DHRSX: variants seen among roughly 807,000 people sequenced by gnomAD.
The protein encoded by DHRSX is polyprenol dehydrogenase.
Under a neutral mutation model 34.0 loss-of-function variants are expected in DHRSX, and 31 were observed. The observed-to-expected ratio is 0.91, with a 90% CI of 0.69 to 1.23. The LOEUF is 1.23. Ranked by LOEUF, DHRSX falls within the 50% of genes most tolerant of loss-of-function variation. The pLI is 0.00. For synonymous variants in DHRSX, 201 were observed against 183.8 expected, an observed-to-expected ratio of 1.09 and a Z score of -0.76; for missense variants, 414 against 428.1, an observed-to-expected ratio of 0.97 and a Z score of 0.29.
intron 3 of DHRSX, among the ~76,000 whole-genome samples, chrX:2,359,209 A>G (rs2042896288): frequency 6.6e-6 from 1 of 152,198 alleles, no homozygotes; most frequent in South Asian, 2.1e-4. Context: ...TCAAAGACCT[A>G]AAAACAGAAA....
intron 1 of DHRSX, among the ~76,000 whole-genome samples, chrX:2,429,302 A>G (rs1371607951): frequency 6.6e-6 from 1 of 152,134 alleles, no homozygotes; most frequent in African/African-American, 2.4e-5. Context: ...CTGTGTATGT[A>G]TACATGTGTG....
intron 1 of DHRSX, among the ~76,000 whole-genome samples, chrX:2,496,173 GGTTTTTATTTTT>G (rs772262582): frequency 1.2e-3 from 176 of 152,168 alleles, no homozygotes; most frequent in African/African-American, 3.8e-3. Context: ...AGCTAAAAGA[GGTTTTTATTTTT>G]GTTTTTGTTT....
chrX:2,398,390 G>A (rs2043440379), intron 3 of DHRSX, among the ~76,000 whole-genome samples: 1 of 152,076 alleles, frequency 6.6e-6, no homozygotes, highest in Non-Finnish European at 1.5e-5. Flanking sequence ...AAATAGCTGG[G>A]TATGGTGGCT....
At chrX:2,386,882 GTT>G (rs57827913) in intron 3 of DHRSX, among the ~76,000 whole-genome samples, 16,379 of 124,014 alleles carry the variant, frequency 0.13, 972 homozygotes, top group African/African-American at 0.19. Flanking sequence ...TGATGGTTTT[GTT>G]TTTTTTTTTT....
intron 1 of DHRSX, chrX:2,490,344 G>A (rs748783889): frequency 6.2e-7 from 1 of 1,613,282 alleles, no homozygotes; most frequent in East Asian, 2.2e-5. Context: ...GCGGCCGTCA[G>A]CTCCTGCTGC....
chrX:2,349,092 G>C (rs1289436710), intron 3 of DHRSX, among the ~76,000 whole-genome samples: 1 of 152,044 alleles, frequency 6.6e-6, no homozygotes, highest in African/African-American at 2.4e-5. Flanking sequence ...AAATGGTACG[G>C]ACGTTCCTCA....
intron 6 of DHRSX, among the ~76,000 whole-genome samples, chrX:2,239,160 T>C (rs1460682874): frequency 6.6e-6 from 1 of 152,144 alleles, no homozygotes; most frequent in African/African-American, 2.4e-5. Flanking sequence ...TAATCCAAAT[T>C]TGCAGATGAT....
At chrX:2,320,050 A>G (rs2042289368) in intron 3 of DHRSX, among the ~76,000 whole-genome samples, 1 of 151,714 alleles carries the variant, frequency 6.6e-6, no homozygotes. Context: ...GCTGGTCTTG[A>G]ACTCCCGACC....
intron 5 of DHRSX, among the ~76,000 whole-genome samples, chrX:2,265,117 T>C (rs1316502039): frequency 7.2e-6 from 1 of 137,992 alleles, no homozygotes; most frequent in African/African-American, 2.8e-5. Context: ...AGAGCACCAG[T>C]GCTCAGCAGA....
intron 4 of DHRSX, among the ~76,000 whole-genome samples, chrX:2,269,297 TTC>T (rs1179650104): frequency 1.3e-5 from 2 of 152,234 alleles, no homozygotes; most frequent in East Asian, 1.9e-4. Context: ...GGTCTAGCAT[TTC>T]TCTGTGTATT....
intron 4 of DHRSX, among the ~76,000 whole-genome samples, chrX:2,286,526 C>T (rs1176838319): frequency 2.6e-5 from 4 of 152,146 alleles, no homozygotes; most frequent in Admixed American, 6.5e-5. Flanking sequence ...TCACGAAGCT[C>T]CATGGTTCTG....
rs144818340 is a variant in DHRSX, at chrX:2,221,143, C to T, written c.891G>A (p.Glu297=). 4.6e-4 allele frequency: 743 copies of T among 1,613,738 alleles called. No homozygotes were observed. The highest frequency in any genetic ancestry group is 6.1e-4 in the Non-Finnish European group (717 of 1,179,852). The change falls in exon 7 of 7, where the codon GAG becomes GAA. Residue 297 remains glutamate (E), a synonymous_variant. Coordinates refer to ENST00000334651, the MANE Select transcript of DHRSX (RefSeq NM_145177.3). ...TGACGTGGAGGGACTTGGTCTCTTT[C>T]TCGTTGTATAGGTAATGGCCACCAA... The part of the protein sequence containing the change: ...EGVGGHYLYN[E]KETKSLHVTY...
Position 2,485,819 on chromosome X carries a change from GGAA to G in DHRSX, c.109+14995_109+14997del, listed in dbSNP as rs2044901783. ...GGAGAGAAGGAAGGAAGGGAGAGAA[GGAA>G]GGAAGGGAGAGAAGGAAGGAAGGGA... On this transcript the variant is annotated intron_variant, in intron 1 of 6. Transcript: ENST00000334651. Among the ~76,000 whole-genome samples the G allele has an allele frequency of 5.5e-5, 4 of 73,360 alleles. No homozygotes were observed. The East Asian group carries it at 2.5e-3, about 45-fold the overall frequency. 48.1% of individuals were successfully genotyped at this position (73,360 alleles called of 152,430 possible).
At chrX:2,408,964 G>T in intron 2 of DHRSX, 151 bp from the exon 3 acceptor site, 1 of 705,772 alleles carries the variant, frequency 1.4e-6, no homozygotes, top group Non-Finnish European at 2.4e-6. Flanking sequence ...CGTCTAACTT[G>T]ACAGCCATTT....
rs35824420 is a variant in DHRSX, at chrX:2,328,079, C to CA, written c.287-36477dup. On this transcript the variant is annotated intron_variant, in intron 3 of 6. Transcript: ENST00000334651. ...TGGGCGACAGAGCGAGACTCCGTCT[C>CA]AAAAAAAAAAAGAGGAGGAGATGAG... Among the ~76,000 whole-genome samples the CA allele has an allele frequency of 9.7e-4, 115 of 118,484 alleles. 4 individuals carry two copies. The highest frequency in any genetic ancestry group is 4.1e-3 in the East Asian group (18 of 4,432). 77.7% of individuals were successfully genotyped at this position (118,484 alleles called of 152,430 possible).
chrX:2,291,044 G>C (rs1186505641), intron 4 of DHRSX, among the ~76,000 whole-genome samples: 2 of 152,184 alleles, frequency 1.3e-5, no homozygotes, highest in Non-Finnish European at 2.9e-5. Context: ...AAGATTGGCA[G>C]ATGGGCAGAT....
intron 6 of DHRSX, among the ~76,000 whole-genome samples, chrX:2,233,059 AAAAGAAAGAAAG>A (rs71973986): frequency 0.81 from 121,840 of 151,272 alleles, 49,397 homozygotes; most frequent in East Asian, 0.95. Flanking sequence ...GTTGTTAAGA[AAAAGAAAGAAAG>A]AAAGAAAGAA....
At position 2,485,840 on chromosome X, in the gene DHRSX, GGAAGGGAGAGAAAGAAA is replaced by G. The variant is rs1569506230; in HGVS notation, c.109+14960_109+14976del. On this transcript the variant is annotated intron_variant, in intron 1 of 6. Coordinates refer to ENST00000334651, the MANE Select transcript of DHRSX (RefSeq NM_145177.3). ...AGAAGGAAGGAAGGGAGAGAAGGAAGGAAGGGAGAGAAAGAAAGAAGGGAAGGGAGGGAAGGAAGGGA... is the reference window on the plus strand; with the variant it reads ...AGAAGGAAGGAAGGGAGAGAAGGAAGGAAGGGAAGGGAGGGAAGGAAGGGA... Among the ~76,000 whole-genome samples, 31 of 97,984 alleles carry G rather than the reference GGAAGGGAGAGAAAGAAA, an allele frequency of 3.2e-4. 1 individual carries two copies. Among genetic ancestry groups the G allele is most frequent in the Admixed American group, 6.7e-4 (6 of 9,008 alleles). 64.3% of individuals were successfully genotyped at this position (97,984 alleles called of 152,430 possible).
chrX:2,355,098 G>GAAATAGGTTGGAAGGAAAACAC (rs2042832684), intron 3 of DHRSX, among the ~76,000 whole-genome samples: 1 of 152,116 alleles, frequency 6.6e-6, no homozygotes, highest in Non-Finnish European at 1.5e-5. Flanking sequence ...ATTATAGCAA[G>GAAATAGGTTGGAAGGAAAACAC]AAATAGGTTG....
Sources: gnomAD v4.1 joint callset for allele counts (sites outside exome capture counted in the v4.1 genomes callset) on GRCh38, gnomAD v4.1.1 for gene constraint, MANE v1.5 for transcripts, NCBI Gene and HGNC (gene_info 2026-07-23, HGNC 2026-07-21) for gene names.